The following XRN1 variants were observed in gnomAD, a reference collection of about 807,000 sequenced individuals.
XRN1 encodes the protein 5'-3' exoribonuclease 1.
A neutral mutation model predicts 222.3 loss-of-function variants in XRN1; 67 were observed. The ratio of observed to expected loss-of-function variants is 0.30; its 90% CI spans 0.25 to 0.37. The LOEUF is 0.37. Ranked by LOEUF, XRN1 falls within the 10% of genes least tolerant of loss-of-function variation. The pLI, the probability that XRN1 is intolerant of heterozygous loss-of-function variation, is 1.00. For synonymous variants in XRN1, 643 were observed against 652.4 expected (o/e 0.99, Z 0.22); for missense variants, 1,707 against 2,000.2 (o/e 0.85, Z 2.80).
intron 16 of XRN1, 149 bp downstream of exon 16, chr3:142,404,758 T>C: frequency 1.4e-6 from 1 of 701,516 alleles, no homozygotes; most frequent in South Asian, 1.9e-5. Context: ...GCAAGTTAGA[T>C]GTAACTCATT....
At chr3:142,332,156 A>G (rs1448522510) in intron 36 of XRN1, among the ~76,000 whole-genome samples, 1 of 152,148 alleles carries the variant, frequency 6.6e-6, no homozygotes, top group African/African-American at 2.4e-5. Flanking sequence ...GTGGTGGCAT[A>G]TACCTGTAAT....
At position 142,399,520 on chromosome 3, in the gene XRN1, T is replaced by C. The variant is rs113548979; in HGVS notation, c.2207+924A>G. 5.1e-3 allele frequency among the ~76,000 whole-genome samples: 780 copies of C among 152,178 alleles called. 9 individuals carry two copies. The highest frequency in any genetic ancestry group is 0.018 in the African/African-American group (759 of 41,556). ...AAAGAAAATATCAAAGAAAATCTTC[T>C]GGATCTAGGGCTAGAATAAGAGCTC... On this transcript the variant is annotated intron_variant, in intron 19 of 40. Coordinates refer to ENST00000392981, the MANE Select transcript of XRN1 (RefSeq NM_001282857.2).
rs144282619 is a variant in XRN1, at chr3:142,414,166, G to A, written c.1562C>T (p.Ala521Val). The change falls in exon 14 of 41, where the codon GCC (alanine) becomes GTC (valine). Residue 521 changes from alanine (A) to valine (V), a missense_variant. Coordinates refer to ENST00000392981, the MANE Select transcript of XRN1 (RefSeq NM_001282857.2). Reference sequence around the variant, plus strand: ...GCATGCAGGAAGTAAATTTTTGCTGGCTGCTGGAAGTACAGCAAGAAGCTG... The same window carrying A: ...GCATGCAGGAAGTAAATTTTTGCTGACTGCTGGAAGTACAGCAAGAAGCTG... ...FEQLLAVLPA[A>V]SKNLLPACYQ... The A allele has an allele frequency of 2.8e-4, 450 of 1,612,332 alleles. 1 individual carries two copies. The highest frequency in any genetic ancestry group is 2.9e-4 in the Non-Finnish European group (338 of 1,179,268).
At position 142,380,304 on chromosome 3, in the gene XRN1, T is replaced by C. The variant is rs1034216375; in HGVS notation, c.2617-124A>G. The stretch of plus-strand genomic sequence containing the variant: ...GGATAGTGGAAATTCTCTTGAAATT[T>C]GTTAAGTGGGTATGAAAATACTGTA... On this transcript the variant is annotated intron_variant, in intron 22 of 40. Coordinates refer to ENST00000392981, the MANE Select transcript of XRN1 (RefSeq NM_001282857.2). 5.2e-6 allele frequency: 4 copies of C among 763,998 alleles called. No individual in the cohort carries two copies. The Admixed American group carries it at 8.5e-5, about 16-fold the overall frequency. The allele number at this position is 763,998 out of a possible 1,614,324, so 47.3% of individuals were successfully genotyped here.
intron 20 of XRN1, among the ~76,000 whole-genome samples, chr3:142,393,965 T>C (rs1407827323): frequency 6.6e-6 from 1 of 152,122 alleles, no homozygotes; most frequent in Non-Finnish European, 1.5e-5. Flanking sequence ...TAGTTGGGAC[T>C]ACAGGCAGGC....
At chr3:142,368,887 T>C (rs1346879179) in intron 27 of XRN1, among the ~76,000 whole-genome samples, 2 of 152,210 alleles carry the variant, frequency 1.3e-5, no homozygotes, top group East Asian at 1.9e-4. Context: ...GCATTAATAA[T>C]AGCTAGGCAT....
intron 29 of XRN1, among the ~76,000 whole-genome samples, chr3:142,360,628 G>T (rs1399061474): frequency 6.6e-6 from 1 of 151,954 alleles, no homozygotes; most frequent in East Asian, 1.9e-4. Flanking sequence ...ACTTTGGGAG[G>T]CCGAGGCAGG....
Position 142,414,034 on chromosome 3 carries a change from A to G in XRN1, c.1593+101T>C, listed in dbSNP as rs77809066. On this transcript the variant is annotated intron_variant, in intron 14 of 40. Transcript: ENST00000392981. ...CTATGGTTTAAAACTGAAAATAACT[A>G]CTTAGCTACCAAATAAATTTGAGTA... 358 of 1,198,370 alleles carry G rather than the reference A, an allele frequency of 3.0e-4. No individual in the cohort carries two copies. The African/African-American group carries it at 5.1e-3, about 17-fold the overall frequency. 74.2% of individuals were successfully genotyped at this position (1,198,370 alleles called of 1,614,324 possible).
At chr3:142,441,523 T>C (rs925276278) in intron 1 of XRN1, among the ~76,000 whole-genome samples, 7 of 152,220 alleles carry the variant, frequency 4.6e-5, no homozygotes, top group African/African-American at 1.7e-4. Flanking sequence ...GTAAGAAAAC[T>C]GATGTAGTGG....
In XRN1 at chr3:142,311,628, A is replaced by G. The variant is rs756110405; in HGVS notation, c.4968T>C (p.Val1656=). 6.2e-7 allele frequency: 1 copy of G among 1,614,158 alleles called. No individual in the cohort carries two copies. The highest frequency in any genetic ancestry group is 8.5e-7 in the Non-Finnish European group (1 of 1,180,022). The change falls in exon 41 of 41, where the codon GTT becomes GTC. Residue 1656 remains valine, a synonymous_variant. Transcript: ENST00000392981. ...TACTATGGCCTTGAGAGGCAGTTTC[A>G]ACTTGAAAAGAAGATGCAGGTTGAG... ...PIAQPASSFQ[V]ETASQGHSIS...
intron 36 of XRN1, among the ~76,000 whole-genome samples, chr3:142,330,539 C>G (rs368260490): frequency 4.7e-5 from 7 of 150,302 alleles, no homozygotes; most frequent in African/African-American, 1.7e-4. Flanking sequence ...CCAGTTAGTT[C>G]TATAACAGGG....
intron 32 of XRN1, among the ~76,000 whole-genome samples, chr3:142,349,019 C>T (rs1015104663): frequency 1.1e-4 from 16 of 152,158 alleles, no homozygotes; most frequent in African/African-American, 3.9e-4. Context: ...GTGGGGTCAT[C>T]CTGGCTCACT....
chr3:142,349,046 G>C (rs1246848841), intron 32 of XRN1, among the ~76,000 whole-genome samples: 1 of 152,074 alleles, frequency 6.6e-6, no homozygotes. Flanking sequence ...TTCGACTCCT[G>C]GGTTCAAGTG....
chr3:142,344,366 C>A (rs992438377), intron 33 of XRN1, among the ~76,000 whole-genome samples: 16 of 151,830 alleles, frequency 1.1e-4, no homozygotes, highest in Admixed American at 7.2e-4. Flanking sequence ...TACTATGTAT[C>A]CACAAAAATT....
intron 10 of XRN1, 37 bp downstream of exon 10, chr3:142,420,979 G>A: frequency 6.2e-7 from 1 of 1,610,930 alleles, no homozygotes; most frequent in Non-Finnish European, 8.5e-7. Flanking sequence ...TGCCTTTACA[G>A]TTAAAACAAT....
At chr3:142,369,707 A>G (rs2066928514) in intron 27 of XRN1, among the ~76,000 whole-genome samples, 2 of 151,840 alleles carry the variant, frequency 1.3e-5, no homozygotes, top group Admixed American at 6.6e-5. Flanking sequence ...TCAAAAGTCA[A>G]TTAAACTTTT....
intron 15 of XRN1, among the ~76,000 whole-genome samples, chr3:142,412,285 T>C (rs73864541): frequency 0.079 from 12,082 of 152,284 alleles, 1,603 homozygotes; most frequent in African/African-American, 0.27. Flanking sequence ...GAACTGACTC[T>C]TTTATCTGTA....
In XRN1 at chr3:142,329,555, T is replaced by C. The variant is rs1375746052; in HGVS notation, c.4283A>G (p.Asn1428Ser). 2 of 1,600,718 alleles carry C rather than the reference T, an allele frequency of 1.2e-6. No individual in the cohort carries two copies. The highest frequency in any genetic ancestry group is 1.7e-6 in the Non-Finnish European group (2 of 1,175,488). The change falls in exon 37 of 41, where the codon AAT becomes AGT. Residue 1428 changes from asparagine to serine, a missense_variant. This residue lies in a region of XRN1 where 473 missense variants were observed against 482.0 expected (regional missense o/e 0.98). Coordinates refer to ENST00000392981, the MANE Select transcript of XRN1 (RefSeq NM_001282857.2). ...CTGGCTGGGGGCAGGCCAACACATA[T>C]TGTCCATAGACTGAACATTATGGTA... Reference protein sequence around the residue: ...NEYHNVQSMDNMCWPAPSQIP... With the variant: ...NEYHNVQSMDSMCWPAPSQIP...
chr3:142,409,779 T>C (rs2068493066), intron 15 of XRN1, among the ~76,000 whole-genome samples: 1 of 152,250 alleles, frequency 6.6e-6, no homozygotes, highest in Admixed American at 6.5e-5. Context: ...TTCATATCCA[T>C]GAACATGATA....
Sources: gnomAD v4.1 joint callset for allele counts (sites outside exome capture counted in the v4.1 genomes callset) on GRCh38, gnomAD v4.1.1 for gene constraint, gnomAD v4.1.1 regional missense constraint, MANE v1.5 for transcripts, NCBI Gene and HGNC (gene_info 2026-07-23, HGNC 2026-07-21) for gene names.